The following FBN1 variants were observed in gnomAD, a reference collection of about 807,000 sequenced individuals.
The protein encoded by FBN1 is fibrillin 1, also known as fibrillin-1.
FBN1 carries 29 observed loss-of-function variants against 365.1 expected under a neutral mutation model. That is an observed-to-expected ratio of 0.08 (90% CI 0.06 to 0.11). FBN1 has a LOEUF of 0.11. FBN1 is among the 10% of genes least tolerant of loss of function. The pLI is 1.00. For missense variants in FBN1, 2,476 were observed against 3,703.2 expected (o/e 0.67, Z 8.60); for synonymous variants, 1,210 against 1,270.5 (o/e 0.95, Z 1.01).
At chr15:48,579,989 C>T (rs2044378890) in intron 6 of FBN1, among the ~76,000 whole-genome samples, 1 of 152,178 alleles carries the variant, frequency 6.6e-6, no homozygotes, top group South Asian at 2.1e-4. Context: ...TGAAGGGACA[C>T]AGTCAGACAT....
intron 36 of FBN1, among the ~76,000 whole-genome samples, chr15:48,469,090 A>C (rs1566904917): frequency 9.7e-6 from 1 of 102,640 alleles, no homozygotes. Context: ...ATATATATAT[A>C]TATAAAATAT....
chr15:48,592,107 C>T lies in FBN1; in HGVS notation c.538+4176G>A, dbSNP rs552775273. Among the ~76,000 whole-genome samples, 14 of 152,294 alleles carry T rather than the reference C, an allele frequency of 9.2e-5. No individual in the cohort carries two copies. In the South Asian group the frequency reaches 2.5e-3, roughly 27 times the overall value. ...GTCAGCTGTTCTTACGTCCAATGGC[C>T]GCTTTATGATTCTCATTCTCAGACC... On this transcript the variant is annotated intron_variant, in intron 6 of 65. Coordinates refer to ENST00000316623, the MANE Select transcript of FBN1 (RefSeq NM_000138.5).
chr15:48,457,832 C>T (rs181551012), intron 43 of FBN1, among the ~76,000 whole-genome samples: 98 of 152,128 alleles, frequency 6.4e-4, no homozygotes, highest in African/African-American at 2.2e-3. Context: ...TGAGGCCAAG[C>T]CACAGGATAT....
intron 7 of FBN1, among the ~76,000 whole-genome samples, chr15:48,534,548 C>G (rs1009989183): frequency 1.3e-5 from 2 of 152,238 alleles, no homozygotes; most frequent in African/African-American, 4.8e-5. Flanking sequence ...TTCACGGCCT[C>G]ATTTTTATCT....
chr15:48,416,413 T>C (rs886243272), intron 63 of FBN1, among the ~76,000 whole-genome samples: 5 of 152,196 alleles, frequency 3.3e-5, no homozygotes, highest in African/African-American at 4.8e-5. Flanking sequence ...GAATAATGCC[T>C]TCTGGTATGT....
chr15:48,432,974 C>A lies in FBN1; in HGVS notation c.6631G>T (p.Ala2211Ser), dbSNP rs1407213479. ...AAGGCACAGAGCAGAGGATTCTGGG[C>A]ACATTCATTTATATCTGCAGCAGAG... ...MMTCEDINEC[A>S]QNPLLCAFRC... Residue 2211 changes from alanine to serine, a missense_variant, in exon 55 of 66, where the codon GCC (alanine) becomes TCC (serine). Physicochemically the swap from Ala to Ser is moderately conservative, Grantham distance 99 (BLOSUM62 1). Coordinates refer to ENST00000316623, the MANE Select transcript of FBN1 (RefSeq NM_000138.5). The A allele has an allele frequency of 1.2e-6, 2 of 1,613,466 alleles. No individual in the cohort carries two copies. Among genetic ancestry groups the A allele is most frequent in the Admixed American group, 1.7e-5 (1 of 59,988 alleles).
chr15:48,598,832 A>G (rs1396719334), intron 5 of FBN1, among the ~76,000 whole-genome samples: 1 of 152,172 alleles, frequency 6.6e-6, no homozygotes, highest in Non-Finnish European at 1.5e-5. Flanking sequence ...TCACCACCCA[A>G]ATCTCATCTT....
chr15:48,512,453 T>G (rs2043768093), intron 13 of FBN1, among the ~76,000 whole-genome samples: 1 of 152,204 alleles, frequency 6.6e-6, no homozygotes, highest in Non-Finnish European at 1.5e-5. Flanking sequence ...CCATTGGTTA[T>G]TTTTCCTGAT....
At chr15:48,622,378 A>G (rs1889786061) in intron 2 of FBN1, among the ~76,000 whole-genome samples, 1 of 152,174 alleles carries the variant, frequency 6.6e-6, no homozygotes, top group Non-Finnish European at 1.5e-5. Context: ...CATGCATGGT[A>G]AGCTCAGAAG....
At chr15:48,560,454 A>G (rs528787420) in intron 6 of FBN1, among the ~76,000 whole-genome samples, 1 of 152,250 alleles carries the variant, frequency 6.6e-6, no homozygotes, top group East Asian at 1.9e-4. Flanking sequence ...GTGCTCAAAG[A>G]GCAGTTGCTA....
chr15:48,540,512 C>T (rs2044050165), intron 6 of FBN1, among the ~76,000 whole-genome samples: 1 of 152,082 alleles, frequency 6.6e-6, no homozygotes, highest in African/African-American at 2.4e-5. Context: ...CAAGTTATAA[C>T]AGAATGTGTT....
chr15:48,447,511 T>C (rs917251733), intron 46 of FBN1, among the ~76,000 whole-genome samples: 2 of 152,200 alleles, frequency 1.3e-5, no homozygotes, highest in East Asian at 3.8e-4. Context: ...TGACATCTTA[T>C]ATGTCTTTGC....
At chr15:48,486,079 G>C (rs1566909119) in intron 29 of FBN1, among the ~76,000 whole-genome samples, 1 of 152,216 alleles carries the variant, frequency 6.6e-6, no homozygotes. Context: ...CTGTGGCCAG[G>C]AGACAGATGA....
chr15:48,489,151 C>T (rs2043533981), intron 25 of FBN1, among the ~76,000 whole-genome samples: 1 of 150,474 alleles, frequency 6.6e-6, no homozygotes, highest in South Asian at 2.1e-4. Context: ...TCTTGTGCCT[C>T]AGCCATCTGA....
At chr15:48,435,917 A>G (rs769882562) in intron 53 of FBN1, among the ~76,000 whole-genome samples, 3 of 151,956 alleles carry the variant, frequency 2.0e-5, no homozygotes, top group Non-Finnish European at 4.4e-5. Context: ...TTGAGAAATA[A>G]CATTGATATT....
At chr15:48,495,709 A>G in intron 20 of FBN1, 121 bp from the exon 21 acceptor site, 1 of 1,317,384 alleles carries the variant, frequency 7.6e-7, no homozygotes, top group Non-Finnish European at 1.1e-6. Flanking sequence ...GCTGGGCTAA[A>G]TAGTTTTTCC....
At chr15:48,421,857 C>T in intron 61 of FBN1, 95 bp downstream of exon 61, 2 of 1,232,240 alleles carry the variant, frequency 1.6e-6, no homozygotes, top group Non-Finnish European at 2.4e-6. Context: ...TTTCTTTGAG[C>T]TTTTATTTTC....
intron 4 of FBN1, among the ~76,000 whole-genome samples, chr15:48,604,553 T>C (rs969671807): frequency 1.3e-5 from 2 of 151,860 alleles, no homozygotes; most frequent in Non-Finnish European, 2.9e-5. Flanking sequence ...AACAAACAAA[T>C]AAACAAACAA....
rs370161725 is a variant in FBN1, at chr15:48,470,656, G to C, written c.4437C>G (p.Asp1479Glu). The C allele has an allele frequency of 8.1e-6, 13 of 1,614,056 alleles. No individual in the cohort carries two copies. Among genetic ancestry groups the C allele is most frequent in the Non-Finnish European group, 1.1e-5 (13 of 1,180,010 alleles). Residue 1479 changes from aspartate to glutamate, a missense_variant, in exon 36 of 66, where the codon GAC becomes GAG. By Grantham distance (45) the Asp-to-Glu change is conservative. This residue lies in a region of FBN1 where 1,780 missense variants were observed against 2,840.8 expected (regional missense o/e 0.63). Transcript: ENST00000316623. ...RCECEIGYELDRSGGNCTDVN... is the reference protein window; with the variant it reads ...RCECEIGYELERSGGNCTDVN... ...TACCTGTGCAGTTCCCGCCGCTTCT[G>C]TCCAGTTCGTAGCCTATCTCACACT...
Sources: allele counts gnomAD v4.1 joint callset (sites outside exome capture counted in the v4.1 genomes callset), GRCh38; gene constraint gnomAD v4.1.1; regional missense constraint gnomAD v4.1.1; transcripts MANE v1.5; gene names NCBI Gene and HGNC (gene_info 2026-07-23, HGNC 2026-07-21).